The following TASP1 variants were observed in gnomAD, a reference collection of about 807,000 sequenced individuals.
The protein encoded by TASP1 is taspase 1, also known as threonine aspartase 1.
A neutral mutation model predicts 56.6 loss-of-function variants in TASP1; 16 were observed. The observed-to-expected ratio is 0.28, with a 90% CI of 0.19 to 0.43. TASP1 has a LOEUF of 0.43. Ranked by LOEUF, TASP1 falls within the 20% of genes least tolerant of loss-of-function variation. The pLI, the probability that TASP1 is intolerant of heterozygous loss-of-function variation, is 1.00. For synonymous variants in TASP1, 179 were observed against 184.2 expected (o/e 0.97, Z 0.23); for missense variants, 393 against 511.6 (o/e 0.77, Z 2.24).
the TASP1 span, among the ~76,000 whole-genome samples, chr20:13,147,120 C>G: frequency 3.3e-5 from 5 of 152,096 alleles, no homozygotes; most frequent in African/African-American, 1.2e-4. Flanking sequence ...GCTGCCCACC[C>G]CTGATGTCCA....
chr20:13,119,135 A>AT, the TASP1 span, among the ~76,000 whole-genome samples: 1 of 152,212 alleles, frequency 6.6e-6, no homozygotes, highest in Non-Finnish European at 1.5e-5. Flanking sequence ...GAGCTCCCTG[A>AT]TCCTGGCTAC....
At chr20:13,322,506 C>T in the TASP1 span, among the ~76,000 whole-genome samples, 13 of 152,166 alleles carry the variant, frequency 8.5e-5, no homozygotes, top group African/African-American at 2.9e-4. Context: ...CAGACGAGGT[C>T]CATATGAGGT....
chr20:13,439,757 A>G (rs931951131), intron 11 of TASP1, among the ~76,000 whole-genome samples: 2 of 152,174 alleles, frequency 1.3e-5, no homozygotes, highest in Non-Finnish European at 2.9e-5. Context: ...AAAATTAAAA[A>G]GATGAAAAAT....
intron 10 of TASP1, among the ~76,000 whole-genome samples, chr20:13,513,656 TA>T (rs2044421191): frequency 6.6e-6 from 1 of 152,108 alleles, no homozygotes; most frequent in East Asian, 1.9e-4. Context: ...TTCTATTAAA[TA>T]ATAAGAGTTG....
At chr20:13,120,829 A>C in the TASP1 span, among the ~76,000 whole-genome samples, 1 of 152,230 alleles carries the variant, frequency 6.6e-6, no homozygotes, top group Non-Finnish European at 1.5e-5. Flanking sequence ...TTCCACCTCA[A>C]GGAAACTGCT....
chr20:13,627,484 G>A (rs1317327289), intron 2 of TASP1, among the ~76,000 whole-genome samples: 1 of 152,136 alleles, frequency 6.6e-6, no homozygotes, highest in Non-Finnish European at 1.5e-5. Flanking sequence ...GGGCACGGTG[G>A]CTCATGCCTG....
intron 7 of TASP1, among the ~76,000 whole-genome samples, chr20:13,565,420 G>A (rs1174056248): frequency 6.6e-6 from 1 of 152,112 alleles, no homozygotes; most frequent in East Asian, 1.9e-4. Context: ...GGCAACTCGT[G>A]GAATGGGATA....
chr20:13,298,167 G>A, the TASP1 span, among the ~76,000 whole-genome samples: 5 of 152,102 alleles, frequency 3.3e-5, no homozygotes, highest in Non-Finnish European at 5.9e-5. Flanking sequence ...GTGCAGTGGT[G>A]CAATCTCAGC....
intron 11 of TASP1, among the ~76,000 whole-genome samples, chr20:13,463,041 T>C (rs1241755286): frequency 6.6e-6 from 1 of 152,062 alleles, no homozygotes; most frequent in Non-Finnish European, 1.5e-5. Flanking sequence ...ACATGGAATC[T>C]CAGGAGACCC....
chr20:13,224,762 CAA>C, the TASP1 span, among the ~76,000 whole-genome samples: 1 of 149,794 alleles, frequency 6.7e-6, no homozygotes, highest in Non-Finnish European at 1.5e-5. Context: ...AGAAAAGCAA[CAA>C]TAATAGTTAA....
At chr20:13,297,232 C>G in the TASP1 span, among the ~76,000 whole-genome samples, 2 of 152,042 alleles carry the variant, frequency 1.3e-5, no homozygotes, top group Admixed American at 6.6e-5. Flanking sequence ...TGGGGGACTC[C>G]TAACCTTCAC....
At chr20:13,204,984 C>A in the TASP1 span, among the ~76,000 whole-genome samples, 1 of 152,090 alleles carries the variant, frequency 6.6e-6, no homozygotes, top group Non-Finnish European at 1.5e-5. Flanking sequence ...TTGGAGGATA[C>A]CTAGGACCTT....
chr20:13,134,886 G>T, the TASP1 span, among the ~76,000 whole-genome samples: 1 of 152,170 alleles, frequency 6.6e-6, no homozygotes, highest in Non-Finnish European at 1.5e-5. Context: ...AAACATCAAC[G>T]CTGCCCTCTC....
At chr20:13,551,434 T>C (rs2045979669) in intron 8 of TASP1, among the ~76,000 whole-genome samples, 1 of 152,108 alleles carries the variant, frequency 6.6e-6, no homozygotes, top group Admixed American at 6.6e-5. Context: ...AGATGGAAAC[T>C]ATTTCAACAA....
At chr20:13,243,084 C>G in the TASP1 span, among the ~76,000 whole-genome samples, 8 of 152,146 alleles carry the variant, frequency 5.3e-5, no homozygotes, top group Admixed American at 1.3e-4. Context: ...CACCAGAGTC[C>G]ATGCTTTTAA....
chr20:13,561,887 A>AT lies in TASP1; in HGVS notation c.569-2774dup, dbSNP rs1222863385. ...ATCCCCATTGTAACCACAAAAAAAA[A>AT]TAGCAAGACAATATACACAAAAGAA... On this transcript the variant is annotated intron_variant, in intron 7 of 13. Transcript: ENST00000337743. Among the ~76,000 whole-genome samples the AT allele has an allele frequency of 2.1e-4, 32 of 152,098 alleles. No homozygotes were observed. In the South Asian group the frequency reaches 6.4e-3, roughly 31 times the overall value.
chr20:13,181,214 G>A, the TASP1 span, among the ~76,000 whole-genome samples: 2 of 152,156 alleles, frequency 1.3e-5, no homozygotes, highest in African/African-American at 4.8e-5. Context: ...TGCCACCAGG[G>A]GTGATAATCT....
At chr20:13,274,079 A>T in the TASP1 span, among the ~76,000 whole-genome samples, 11 of 85,468 alleles carry the variant, frequency 1.3e-4, no homozygotes, top group East Asian at 3.5e-4. Context: ...GTGTGTGTGT[A>T]TGTGTGCATG....
At chr20:13,169,968 G>A in the TASP1 span, among the ~76,000 whole-genome samples, 16 of 152,102 alleles carry the variant, frequency 1.1e-4, no homozygotes, top group African/African-American at 3.6e-4. Flanking sequence ...GATAACAAAG[G>A]CATCAAAAGG....
Sources: gnomAD v4.1 joint callset for allele counts (sites outside exome capture counted in the v4.1 genomes callset) on GRCh38, gnomAD v4.1.1 for gene constraint, MANE v1.5 for transcripts, NCBI Gene and HGNC (gene_info 2026-07-23, HGNC 2026-07-21) for gene names.